LAMA3: variants seen among roughly 807,000 people sequenced by gnomAD.
LAMA3 encodes the protein laminin subunit alpha-3.
LAMA3 carries 281 observed loss-of-function variants against 402.0 expected under a neutral mutation model. The observed-to-expected ratio is 0.70, with a 90% CI of 0.63 to 0.77. The LOEUF (loss-of-function observed/expected upper bound fraction) is 0.77, where lower values mean the gene tolerates loss of function less well. LAMA3 is among the 30% of genes least tolerant of loss of function. The pLI, the probability that LAMA3 is intolerant of heterozygous loss-of-function variation, is 0.00. For missense variants in LAMA3, 3,840 were observed against 4,215.5 expected, an observed-to-expected ratio of 0.91 and a Z score of 2.47; for synonymous variants, 1,431 against 1,558.4, an observed-to-expected ratio of 0.92 and a Z score of 1.93.
At chr18:23,949,554 G>A (rs950445617) in intron 70 of LAMA3, among the ~76,000 whole-genome samples, 4 of 152,132 alleles carry the variant, frequency 2.6e-5, no homozygotes, top group Admixed American at 1.3e-4. Flanking sequence ...CCAACATCTG[G>A]TATACAGGTT....
chr18:23,954,628 A>C lies in LAMA3; in HGVS notation c.9982A>C (p.Asn3328His), dbSNP rs916032087. The change falls in exon 75 of 75, where the codon AAT becomes CAT. Residue 3328 changes from asparagine (N) to histidine (H), a missense_variant. Coordinates refer to ENST00000313654, the MANE Select transcript of LAMA3 (RefSeq NM_198129.4). Reference sequence around the variant, plus strand: ...GGAAGTCCAGGGGCCTGTCAGTCTGAATGGTTGTCCTGACCAGTAACCCAA... The same window carrying C: ...GGAAGTCCAGGGGCCTGTCAGTCTGCATGGTTGTCCTGACCAGTAACCCAA... ...ALEVQGPVSL[N>H]GCPDQ is the part of the protein sequence containing the mutation. 6.2e-7 allele frequency: 1 copy of C among 1,613,956 alleles called. No homozygotes were observed. Among genetic ancestry groups the C allele is most frequent in the African/African-American group, 1.3e-5 (1 of 74,882 alleles).
intron 39 of LAMA3, among the ~76,000 whole-genome samples, 159 bp from the exon 40 acceptor site, chr18:23,881,777 A>G (rs551788058): frequency 4.6e-5 from 7 of 152,264 alleles, no homozygotes; most frequent in Admixed American, 1.3e-4. Flanking sequence ...AACACCAGCA[A>G]TGATTAGAGG....
At chr18:23,867,716 T>C (rs1208514682) in intron 36 of LAMA3, 118 bp from the exon 37 acceptor site, 1 of 811,770 alleles carries the variant, frequency 1.2e-6, no homozygotes, top group African/African-American at 1.7e-5. Context: ...TTCTGAACTA[T>C]TTTTTTAAGT....
At chr18:23,884,050 GTGTGTGT>G (rs1568296272) in intron 40 of LAMA3, among the ~76,000 whole-genome samples, 36 of 1,840 alleles carry the variant, frequency 0.02, no homozygotes, top group Admixed American at 0.089. Flanking sequence ...TCTCTTTGGT[GTGTGTGT>G]GTGTGTGTGT....
At chr18:23,778,177 C>T (rs1338266172) in intron 11 of LAMA3, among the ~76,000 whole-genome samples, 2 of 152,154 alleles carry the variant, frequency 1.3e-5, no homozygotes, top group African/African-American at 4.8e-5. Context: ...GTGCAGTAAG[C>T]TGTCTCTGAG....
intron 73 of LAMA3, among the ~76,000 whole-genome samples, 160 bp downstream of exon 73, chr18:23,951,937 C>T (rs149706818): frequency 0.016 from 2,469 of 152,306 alleles, 252 homozygotes; most frequent in Admixed American, 0.15. Flanking sequence ...GCCATGCTTC[C>T]GTCACTCATG....
chr18:23,776,683 GTAACTATATGTTCTCAT>G (rs1285142753), intron 10 of LAMA3, among the ~76,000 whole-genome samples: 2 of 152,162 alleles, frequency 1.3e-5, no homozygotes, highest in East Asian at 1.9e-4. Context: ...ACATGAATGG[GTAACTATATGTTCTCAT>G]TCACACCTCC....
Position 23,845,015 on chromosome 18 carries a change from G to A in LAMA3, c.3610G>A (p.Val1204Ile), listed in dbSNP as rs374752009. 2.7e-5 allele frequency: 43 copies of A among 1,577,180 alleles called. No homozygotes were observed. Among genetic ancestry groups the A allele is most frequent in the African/African-American group, 2.6e-4 (19 of 74,224 alleles). Reference sequence around the variant, plus strand: ...GCTGGTGGATTTCTTTCAGGTCCGTGTTCTAGTGGTGCCTGCAGAAAACTA... The same window carrying A: ...GCTGGTGGATTTCTTTCAGGTCCGTATTCTAGTGGTGCCTGCAGAAAACTA... ...PEGKSLVLVR[V>I]LVVPAENYDY... Residue 1204 changes from valine (V) to isoleucine (I), a missense_variant, in exon 30 of 75, where the codon GTT becomes ATT. Physicochemically the swap from Val to Ile is conservative, Grantham distance 29. Around this residue, in one of 3 missense-constraint regions of LAMA3, gnomAD observed 2,109 missense variants for 2,376.0 expected, o/e 0.89. Coordinates refer to ENST00000313654, the MANE Select transcript of LAMA3 (RefSeq NM_198129.4).
intron 2 of LAMA3, among the ~76,000 whole-genome samples, chr18:23,721,712 C>T (rs779138074): frequency 1.3e-5 from 2 of 152,134 alleles, no homozygotes; most frequent in African/African-American, 4.8e-5. Flanking sequence ...TCTGGCTCCT[C>T]CTCCCCCTTG....
chr18:23,701,590 C>A lies in LAMA3; in HGVS notation c.294+11613C>A, dbSNP rs77230046. On this transcript the variant is annotated intron_variant, in intron 1 of 74. Transcript: ENST00000313654. ...CAAATCAACTAATACTGAGTGCCTA[C>A]CCTGTGCCAGATACCAATCTAGGTT... Among the ~76,000 whole-genome samples the A allele has an allele frequency of 2.7e-3, 413 of 152,282 alleles. 4 individuals are homozygous for A. Among genetic ancestry groups the A allele is most frequent in the African/African-American group, 9.4e-3 (391 of 41,546 alleles).
At chr18:23,831,855 A>C (rs944863183) in intron 23 of LAMA3, among the ~76,000 whole-genome samples, 3 of 152,210 alleles carry the variant, frequency 2.0e-5, no homozygotes, top group African/African-American at 7.2e-5. Context: ...CTAAAACACT[A>C]ATAACTAGTG....
intron 66 of LAMA3, 43 bp from the exon 67 acceptor site, chr18:23,933,739 T>C: frequency 6.2e-7 from 1 of 1,609,450 alleles, no homozygotes; most frequent in Non-Finnish European, 8.5e-7. Flanking sequence ...TTCCTCGACA[T>C]GTCCAAGTTT....
At position 23,717,094 on chromosome 18, in the gene LAMA3, A is replaced by G. The variant is rs572913432; in HGVS notation, c.447+3022A>G. Among the ~76,000 whole-genome samples, 15 of 152,342 alleles carry G rather than the reference A, an allele frequency of 9.8e-5. No homozygotes were observed. In the South Asian group the frequency reaches 3.1e-3, roughly 32 times the overall value. On this transcript the variant is annotated intron_variant, in intron 2 of 74. Coordinates refer to ENST00000313654, the MANE Select transcript of LAMA3 (RefSeq NM_198129.4). ...TTCTAAGAAAGTCTAGGAGCAGGAA[A>G]AGCATGATCAGTTATGTCAGACTGA...
chr18:23,698,670 A>G (rs1384024790), intron 1 of LAMA3, among the ~76,000 whole-genome samples: 1 of 152,262 alleles, frequency 6.6e-6, no homozygotes, highest in Non-Finnish European at 1.5e-5. Context: ...ATTCCAATCA[A>G]CTAATAAGAA....
intron 44 of LAMA3, chr18:23,898,456 G>A (rs925785729): frequency 1.4e-5 from 6 of 440,782 alleles, no homozygotes; most frequent in Admixed American, 3.9e-5. Flanking sequence ...AATCAGGTAA[G>A]TAGTATCACC....
At chr18:23,876,501 C>T (rs554801252) in intron 39 of LAMA3, 94 bp downstream of exon 39, 64 of 798,482 alleles carry the variant, frequency 8.0e-5, no homozygotes, top group African/African-American at 7.7e-4. Context: ...TTACATCTCC[C>T]GCCAAACCCT....
At chr18:23,741,038 C>T (rs1464108232) in intron 2 of LAMA3, among the ~76,000 whole-genome samples, 1 of 151,914 alleles carries the variant, frequency 6.6e-6, no homozygotes, top group Non-Finnish European at 1.5e-5. Flanking sequence ...ACTGCAAGCT[C>T]CACCTCCCAG....
chr18:23,787,038 T>C (rs776057067), intron 12 of LAMA3, among the ~76,000 whole-genome samples: 4 of 152,168 alleles, frequency 2.6e-5, no homozygotes, highest in Admixed American at 6.5e-5. Context: ...TCTCAGCACT[T>C]TGGGAGGCCA....
intron 12 of LAMA3, among the ~76,000 whole-genome samples, chr18:23,797,188 C>T (rs369840397): frequency 9.9e-5 from 15 of 152,176 alleles, no homozygotes; most frequent in Non-Finnish European, 2.1e-4. Flanking sequence ...GGGTTTGAAC[C>T]ATTCTGGTAA....
Sources: allele counts gnomAD v4.1 joint callset (sites outside exome capture counted in the v4.1 genomes callset), GRCh38; gene constraint gnomAD v4.1.1; regional missense constraint gnomAD v4.1.1; transcripts MANE v1.5; gene names NCBI Gene and HGNC (gene_info 2026-07-23, HGNC 2026-07-21).